Variants in ARHGAP15 observed in about 807,000 individuals in gnomAD.
ARHGAP15 encodes the protein Rho GTPase activating protein 15, also known as rho GTPase-activating protein 15.
In ARHGAP15, 51 loss-of-function variants were observed where a neutral mutation model predicts 63.7. The observed-to-expected ratio is 0.80, with a 90% CI of 0.64 to 1.01. The LOEUF (loss-of-function observed/expected upper bound fraction) is 1.01, where lower values mean the gene tolerates loss of function less well. ARHGAP15 is among the 50% of genes least tolerant of loss of function. The pLI is 0.00. For missense variants in ARHGAP15, 560 were observed against 564.6 expected (o/e 0.99, Z 0.08); for synonymous variants, 191 against 193.8 (o/e 0.99, Z 0.12).
At chr2:143,313,273 A>G (rs769437155) in intron 6 of ARHGAP15, among the ~76,000 whole-genome samples, 1 of 152,198 alleles carries the variant, frequency 6.6e-6, no homozygotes, top group Non-Finnish European at 1.5e-5. Flanking sequence ...ATGAAGTCCC[A>G]TGAAGACTGT....
chr2:143,380,640 T>C (rs1342059140), intron 6 of ARHGAP15, among the ~76,000 whole-genome samples: 3 of 152,170 alleles, frequency 2.0e-5, no homozygotes, highest in Admixed American at 1.3e-4. Context: ...CCACTCTATA[T>C]ATGTTCATTC....
intron 11 of ARHGAP15, among the ~76,000 whole-genome samples, chr2:143,574,858 T>C (rs1696613376): frequency 1.3e-5 from 2 of 152,200 alleles, no homozygotes; most frequent in South Asian, 4.1e-4. Context: ...TCCTTTGCAG[T>C]GTAAACCTCT....
chr2:143,155,228 A>G (rs1245541584), intron 1 of ARHGAP15, among the ~76,000 whole-genome samples: 1 of 151,894 alleles, frequency 6.6e-6, no homozygotes, highest in Non-Finnish European at 1.5e-5. Flanking sequence ...GAATTAAGAA[A>G]CACAGTCTAT....
chr2:143,641,918 C>T (rs74893504), intron 12 of ARHGAP15, among the ~76,000 whole-genome samples: 7 of 152,106 alleles, frequency 4.6e-5, no homozygotes, highest in Middle Eastern at 3.4e-3. Flanking sequence ...CCCCTCAAAA[C>T]GTTACTTATA....
At chr2:143,148,173 T>C (rs1689665957) in intron 1 of ARHGAP15, among the ~76,000 whole-genome samples, 1 of 152,016 alleles carries the variant, frequency 6.6e-6, no homozygotes, top group Non-Finnish European at 1.5e-5. Flanking sequence ...GCACTGCTCT[T>C]GATATCCCCT....
chr2:143,497,328 C>T lies in ARHGAP15; in HGVS notation c.826+9833C>T, dbSNP rs533794089. Among the ~76,000 whole-genome samples the T allele has an allele frequency of 1.1e-4, 17 of 152,270 alleles. 1 individual carries two copies. The South Asian group carries it at 1.7e-3, about 15-fold the overall frequency. ...TCCTCCTTGTGTTAGAAGTCTGCTG[C>T]GCTCTGGAGAGATGGCCCATGGCTG... On this transcript the variant is annotated intron_variant, in intron 9 of 13. Transcript: ENST00000295095.
intron 11 of ARHGAP15, among the ~76,000 whole-genome samples, chr2:143,577,647 T>C (rs1320376018): frequency 6.6e-6 from 1 of 152,132 alleles, no homozygotes; most frequent in Non-Finnish European, 1.5e-5. Flanking sequence ...CTGCTTCTAG[T>C]CCCTCAGGAA....
At chr2:143,275,994 ACAAATCCATAAACC>A (rs1294746771) in intron 6 of ARHGAP15, among the ~76,000 whole-genome samples, 1 of 152,216 alleles carries the variant, frequency 6.6e-6, no homozygotes, top group East Asian at 1.9e-4. Context: ...AAGTGACAAG[ACAAATCCATAAACC>A]CATCCTTTAC....
At chr2:143,326,300 C>T (rs1270930480) in intron 6 of ARHGAP15, among the ~76,000 whole-genome samples, 3 of 152,114 alleles carry the variant, frequency 2.0e-5, no homozygotes, top group Non-Finnish European at 4.4e-5. Context: ...TTACTATTAT[C>T]TGAGCAACAC....
In ARHGAP15 at chr2:143,413,966, T is replaced by TGTGTGTGTGCGCGC; in HGVS notation, c.475-21634_475-21633insTGTGTGTGCGCGCG. On this transcript the variant is annotated intron_variant, in intron 6 of 13. Transcript: ENST00000295095. ...GTGTGTGTGTGTGTGTGTGTGTGTG[T>TGTGTGTGTGCGCGC]GCGCGCTCTCTGGCAGAAAGTTAAT... Among the ~76,000 whole-genome samples the TGTGTGTGTGCGCGC allele has an allele frequency of 3.7e-3, 431 of 117,912 alleles. 2 individuals are homozygous for TGTGTGTGTGCGCGC. Among genetic ancestry groups the TGTGTGTGTGCGCGC allele is most frequent in the African/African-American group, 0.014 (402 of 28,236 alleles). The allele number at this position is 117,912 out of a possible 152,430, so 77.4% of individuals were successfully genotyped here.
intron 2 of ARHGAP15, among the ~76,000 whole-genome samples, chr2:143,178,192 A>G (rs1574053989): frequency 6.6e-6 from 1 of 152,224 alleles, no homozygotes; most frequent in East Asian, 1.9e-4. Flanking sequence ...ATGCCGCACC[A>G]TAATTATCTA....
At chr2:143,376,441 G>A (rs79123088) in intron 6 of ARHGAP15, among the ~76,000 whole-genome samples, 8 of 152,246 alleles carry the variant, frequency 5.3e-5, no homozygotes, top group East Asian at 1.9e-4. Flanking sequence ...TCTGGCTTGC[G>A]TAAGGTTGGT....
chr2:143,529,701 T>G (rs1401365307), intron 10 of ARHGAP15, among the ~76,000 whole-genome samples: 1 of 152,136 alleles, frequency 6.6e-6, no homozygotes, highest in African/African-American at 2.4e-5. Context: ...TTTTTATCCA[T>G]CTGCCAAATT....
chr2:143,428,470 C>A (rs769612166), intron 6 of ARHGAP15, among the ~76,000 whole-genome samples: 9 of 151,686 alleles, frequency 5.9e-5, no homozygotes, highest in Non-Finnish European at 1.0e-4. Context: ...AGAGGGATCA[C>A]TTTGGCTGCA....
chr2:143,251,972 T>C (rs1212949627), intron 6 of ARHGAP15, among the ~76,000 whole-genome samples: 1 of 152,050 alleles, frequency 6.6e-6, no homozygotes, highest in Non-Finnish European at 1.5e-5. Context: ...TATGACAACT[T>C]AGATGATCAA....
chr2:143,377,853 T>C (rs1238127455), intron 6 of ARHGAP15, among the ~76,000 whole-genome samples: 1 of 152,080 alleles, frequency 6.6e-6, no homozygotes, highest in Non-Finnish European at 1.5e-5. Context: ...CTTTGAATGA[T>C]GTTTATAAAT....
intron 8 of ARHGAP15, among the ~76,000 whole-genome samples, chr2:143,473,760 G>T (rs943526455): frequency 6.6e-6 from 1 of 152,020 alleles, no homozygotes; most frequent in Non-Finnish European, 1.5e-5. Context: ...TTTTCCTTTC[G>T]ATTTTAAACC....
chr2:143,469,005 T>A (rs1305115192), intron 8 of ARHGAP15, among the ~76,000 whole-genome samples: 1 of 152,074 alleles, frequency 6.6e-6, no homozygotes, highest in Non-Finnish European at 1.5e-5. Context: ...AAAAAATAGA[T>A]CATCTGGAAC....
At chr2:143,703,070 C>A (rs1684162045) in intron 12 of ARHGAP15, among the ~76,000 whole-genome samples, 1 of 152,174 alleles carries the variant, frequency 6.6e-6, no homozygotes, top group African/African-American at 2.4e-5. Context: ...ATGTTAAGAT[C>A]AGGAAGATAA....
Sources: gnomAD v4.1 joint callset for allele counts (sites outside exome capture counted in the v4.1 genomes callset) on GRCh38, gnomAD v4.1.1 for gene constraint, MANE v1.5 for transcripts, NCBI Gene and HGNC (gene_info 2026-07-23, HGNC 2026-07-21) for gene names.